THSD7B: variants seen among roughly 807,000 people sequenced by gnomAD.
The protein encoded by THSD7B is thrombospondin type 1 domain containing 7B.
Under a neutral mutation model 213.6 loss-of-function variants are expected in THSD7B, and 138 were observed. That is an observed-to-expected ratio of 0.65 (90% CI 0.56 to 0.74). The LOEUF (loss-of-function observed/expected upper bound fraction) is 0.74, where lower values mean the gene tolerates loss of function less well. THSD7B is among the 30% of genes least tolerant of loss of function. The pLI is 0.00. For synonymous variants in THSD7B, 742 were observed against 687.0 expected, an observed-to-expected ratio of 1.08 and a Z score of -1.25; for missense variants, 1,931 against 1,991.5, an observed-to-expected ratio of 0.97 and a Z score of 0.58.
intron 1 of THSD7B, among the ~76,000 whole-genome samples, chr2:136,798,541 T>C (rs1682112706): frequency 1.3e-5 from 2 of 152,028 alleles, no homozygotes; most frequent in South Asian, 4.1e-4. Context: ...TTAGTACCCC[T>C]ATCTGCTTCC....
intron 7 of THSD7B, among the ~76,000 whole-genome samples, chr2:137,207,264 A>G (rs1046753870): frequency 2.0e-5 from 3 of 152,098 alleles, no homozygotes; most frequent in Non-Finnish European, 4.4e-5. Context: ...TAAGCTCAGC[A>G]AATTTGAATT....
chr2:137,192,972 A>ATGTGTATGTGTGTATG (rs548057314), intron 7 of THSD7B, among the ~76,000 whole-genome samples: 1 of 151,862 alleles, frequency 6.6e-6, no homozygotes. Flanking sequence ...GTGTGTGCGT[A>ATGTGTATGTGTGTATG]TGTGTATGTG....
intron 7 of THSD7B, among the ~76,000 whole-genome samples, chr2:137,174,090 C>T (rs1036274197): frequency 1.3e-5 from 2 of 152,078 alleles, no homozygotes; most frequent in Non-Finnish European, 2.9e-5. Context: ...TTTTAAAAAA[C>T]CACTTACATT....
chr2:137,561,820 A>G (rs1269339050), intron 15 of THSD7B, among the ~76,000 whole-genome samples: 1 of 152,160 alleles, frequency 6.6e-6, no homozygotes, highest in Non-Finnish European at 1.5e-5. Flanking sequence ...CATTCACAGC[A>G]TGAAATGTGA....
intron 5 of THSD7B, among the ~76,000 whole-genome samples, chr2:137,117,377 G>T (rs1688463553): frequency 6.6e-6 from 1 of 152,042 alleles, no homozygotes. Flanking sequence ...GAAGTAAGCA[G>T]AATATAAATA....
chr2:136,951,707 C>A (rs1214981622), intron 2 of THSD7B, among the ~76,000 whole-genome samples: 1 of 152,120 alleles, frequency 6.6e-6, no homozygotes, highest in Non-Finnish European at 1.5e-5. Flanking sequence ...CTTTTTAATT[C>A]AAATATTTCA....
chr2:136,845,377 G>A (rs1204074548), intron 1 of THSD7B, among the ~76,000 whole-genome samples: 5 of 152,190 alleles, frequency 3.3e-5, no homozygotes, highest in Non-Finnish European at 5.9e-5. Flanking sequence ...TCTGCTTCAG[G>A]GAAGGATGAG....
intron 10 of THSD7B, among the ~76,000 whole-genome samples, chr2:137,259,178 T>G (rs2105080733): frequency 6.6e-6 from 1 of 152,322 alleles, no homozygotes; most frequent in South Asian, 2.1e-4. Context: ...TAGAATGATT[T>G]ATAATCCTTT....
chr2:137,096,235 C>T (rs1688036482), intron 4 of THSD7B, among the ~76,000 whole-genome samples: 1 of 152,030 alleles, frequency 6.6e-6, no homozygotes, highest in African/African-American at 2.4e-5. Flanking sequence ...CTTGTAACTT[C>T]TATGACTAGA....
intron 5 of THSD7B, among the ~76,000 whole-genome samples, chr2:137,119,872 T>C (rs1688516960): frequency 6.6e-6 from 1 of 152,210 alleles, no homozygotes; most frequent in African/African-American, 2.4e-5. Flanking sequence ...TAATTTATAT[T>C]CTTAGCTGAT....
At position 137,077,532 on chromosome 2, in the gene THSD7B, A is replaced by T. The variant is rs1386506688; in HGVS notation, c.951-17341A>T. ...TGATCACCATTCTAACTGGTGTGAG[A>T]TGGTATCTCATTGTGGTTTTGATTT... is the stretch of plus-strand genomic sequence containing the variant. On this transcript the variant is annotated intron_variant, in intron 3 of 27. Coordinates refer to ENST00000409968, the MANE Select transcript of THSD7B (RefSeq NM_001316349.2). Among the ~76,000 whole-genome samples the T allele has an allele frequency of 2.6e-5, 4 of 152,140 alleles. No homozygotes were observed. The East Asian group carries it at 7.7e-4, about 29-fold the overall frequency.
intron 4 of THSD7B, among the ~76,000 whole-genome samples, chr2:137,105,387 G>A (rs760836919): frequency 6.6e-6 from 1 of 151,992 alleles, no homozygotes; most frequent in Non-Finnish European, 1.5e-5. Context: ...AATAAACTAG[G>A]TATTGATGGA....
chr2:137,252,372 AT>A (rs1197535106), intron 10 of THSD7B, among the ~76,000 whole-genome samples: 1 of 150,918 alleles, frequency 6.6e-6, no homozygotes, highest in African/African-American at 2.4e-5. Flanking sequence ...TATGGGTGTG[AT>A]GGGAGCTATA....
intron 1 of THSD7B, among the ~76,000 whole-genome samples, chr2:136,784,242 G>GAC (rs1681797738): frequency 6.6e-6 from 1 of 152,108 alleles, no homozygotes; most frequent in Non-Finnish European, 1.5e-5. Flanking sequence ...ATTCTTCAGG[G>GAC]CAAAACAAAA....
Position 137,115,301 on chromosome 2 carries a change from G to T in THSD7B, c.1369+8G>T. 6.5e-7 allele frequency: 1 copy of T among 1,542,558 alleles called. No homozygotes were observed. The highest frequency in any genetic ancestry group is 2.1e-5 in the Admixed American group (1 of 48,172). Reference sequence around the variant, plus strand: ...CACTGAGGGCCAAGGAAGGTAGGCAGCCAGTTCCGGGACAGATGGTGCACT... The same window carrying T: ...CACTGAGGGCCAAGGAAGGTAGGCATCCAGTTCCGGGACAGATGGTGCACT... On this transcript the variant is annotated splice_region_variant and intron_variant, in intron 5 of 27. Transcript: ENST00000409968.
In THSD7B at chr2:137,640,221, A is replaced by C. The variant is rs539715323; in HGVS notation, c.3800-2267A>C. ...ATTCTTGTGATAGTGAATAAGTCTC[A>C]TGAGATCTGATGGGTTTATCAGGGG... On this transcript the variant is annotated intron_variant, in intron 20 of 27. Transcript: ENST00000409968. Among the ~76,000 whole-genome samples the C allele has an allele frequency of 8.3e-4, 127 of 152,260 alleles. 1 individual carries two copies. Among genetic ancestry groups the C allele is most frequent in the African/African-American group, 2.8e-3 (115 of 41,560 alleles).
intron 1 of THSD7B, among the ~76,000 whole-genome samples, chr2:136,849,260 C>T (rs966873557): frequency 6.6e-6 from 1 of 152,036 alleles, no homozygotes; most frequent in Non-Finnish European, 1.5e-5. Flanking sequence ...TATGTTGTTT[C>T]GTTTATTGCT....
At chr2:137,632,158 T>C (rs1682753810) in intron 20 of THSD7B, among the ~76,000 whole-genome samples, 1 of 152,174 alleles carries the variant, frequency 6.6e-6, no homozygotes, top group South Asian at 2.1e-4. Flanking sequence ...GTATCACCTA[T>C]TGTGTACATG....
rs148834148 is a variant in THSD7B, at chr2:137,490,943, C to T, written c.3138+39920C>T. On this transcript the variant is annotated intron_variant, in intron 15 of 27. Transcript: ENST00000409968. The stretch of plus-strand genomic sequence containing the variant: ...CAGATTTTATCCAAACATGGTTTTT[C>T]GAAACCTTCGTTTACATTTGTGTGT... Among the ~76,000 whole-genome samples the T allele has an allele frequency of 1.4e-3, 208 of 152,234 alleles. 1 individual carries two copies. Among genetic ancestry groups the T allele is most frequent in the Non-Finnish European group, 2.7e-3 (186 of 67,998 alleles).
Sources: allele counts gnomAD v4.1 joint callset (sites outside exome capture counted in the v4.1 genomes callset), GRCh38; gene constraint gnomAD v4.1.1; transcripts MANE v1.5; gene names NCBI Gene and HGNC (gene_info 2026-07-23, HGNC 2026-07-21).